The following SPIRE1 variants were observed in gnomAD, a reference collection of about 807,000 sequenced individuals.
The protein encoded by SPIRE1 is spire type actin nucleation factor 1, also known as protein spire homolog 1.
A neutral mutation model predicts 94.1 loss-of-function variants in SPIRE1; 40 were observed. The ratio of observed to expected loss-of-function variants is 0.43; its 90% confidence interval spans 0.33 to 0.55. The LOEUF (loss-of-function observed/expected upper bound fraction) is 0.55, where lower values mean the gene tolerates loss of function less well. Among genes scored for constraint, SPIRE1 ranks in the 20% least tolerant of loss-of-function variants. SPIRE1 has a pLI of 0.06. For missense variants in SPIRE1, 838 were observed against 975.2 expected (o/e 0.86, Z 1.87); for synonymous variants, 376 against 371.7 (o/e 1.01, Z -0.13).
chr18:12,510,213 G>T (rs958701409), intron 5 of SPIRE1, among the ~76,000 whole-genome samples: 1 of 152,010 alleles, frequency 6.6e-6, no homozygotes, highest in Non-Finnish European at 1.5e-5. Context: ...GGGGAGGAGG[G>T]AGGCAGGAGG....
intron 1 of SPIRE1, among the ~76,000 whole-genome samples, chr18:12,654,584 T>G (rs997211445): frequency 2.0e-5 from 3 of 149,810 alleles, no homozygotes; most frequent in African/African-American, 7.4e-5. Flanking sequence ...GAGGCGGAGC[T>G]TGCAAGCTTG....
At chr18:12,494,426 T>TACCATCC (rs2143875146) in intron 7 of SPIRE1, among the ~76,000 whole-genome samples, 1 of 152,122 alleles carries the variant, frequency 6.6e-6, no homozygotes, top group Non-Finnish European at 1.5e-5. Flanking sequence ...TACCATGACC[T>TACCATCC]ACCATCCTAC....
intron 2 of SPIRE1, among the ~76,000 whole-genome samples, chr18:12,599,335 A>G (rs2036767319): frequency 6.6e-6 from 1 of 152,168 alleles, no homozygotes; most frequent in South Asian, 2.1e-4. Flanking sequence ...AGCTCACACA[A>G]CCAAGCTCAT....
intron 2 of SPIRE1, among the ~76,000 whole-genome samples, chr18:12,593,996 A>G (rs2036604979): frequency 6.6e-6 from 1 of 152,200 alleles, no homozygotes; most frequent in South Asian, 2.1e-4. Context: ...ATTAAAATAA[A>G]GCAGACTGAG....
rs185000082 is a variant in SPIRE1 at position 12,487,568 on chromosome 18, T to C, written c.1190-1568A>G. ...TGCCACCAGGCCCAGCTAATTTTTGTATTTTTAGAGAGACAGGGTTTCACC... is the reference window on the plus strand; with the variant it reads ...TGCCACCAGGCCCAGCTAATTTTTGCATTTTTAGAGAGACAGGGTTTCACC... On this transcript the variant is annotated intron_variant, in intron 8 of 16. Coordinates refer to ENST00000409402, the MANE Select transcript of SPIRE1 (RefSeq NM_001128626.2). Among the ~76,000 whole-genome samples, 159 of 152,198 alleles carry C rather than the reference T, an allele frequency of 1.0e-3. 2 individuals carry two copies. The East Asian group carries it at 0.03, about 29-fold the overall frequency.
At chr18:12,549,420 GTTTGTT>G (rs2035271719) in intron 2 of SPIRE1, among the ~76,000 whole-genome samples, 1 of 71,006 alleles carries the variant, frequency 1.4e-5, no homozygotes, top group East Asian at 4.3e-4. Flanking sequence ...TTTGCTTTTT[GTTTGTT>G]TTTGTTATTG....
At chr18:12,453,229 G>A (rs2031332902) in intron 13 of SPIRE1, 91 bp from the exon 14 acceptor site, 1 of 804,758 alleles carries the variant, frequency 1.2e-6, no homozygotes, top group African/African-American at 1.7e-5. Flanking sequence ...TCTATATATA[G>A]GGGAAGCTGA....
rs183286380 is a variant in SPIRE1 at position 12,541,264 on chromosome 18, C to T, written c.603+5410G>A. Among the ~76,000 whole-genome samples, 184 of 152,198 alleles carry T rather than the reference C, an allele frequency of 1.2e-3. 1 individual carries two copies. Among genetic ancestry groups the T allele is most frequent in the African/African-American group, 3.8e-3 (159 of 41,512 alleles). ...AAGACTTGCTTTAAGGCCTGGAATA[C>T]GGAGAAATTTTTAATTGTTCCATGT... On this transcript the variant is annotated intron_variant, in intron 3 of 16. Coordinates refer to ENST00000409402, the MANE Select transcript of SPIRE1 (RefSeq NM_001128626.2).
chr18:12,509,814 G>A (rs1442979668), intron 5 of SPIRE1, among the ~76,000 whole-genome samples: 8 of 152,176 alleles, frequency 5.3e-5, no homozygotes, highest in Non-Finnish European at 1.0e-4. Context: ...TGGGTGCGGA[G>A]GCTCATACCT....
chr18:12,589,749 C>T (rs2036479734), intron 2 of SPIRE1, among the ~76,000 whole-genome samples: 1 of 152,170 alleles, frequency 6.6e-6, no homozygotes, highest in Non-Finnish European at 1.5e-5. Context: ...CATTCAATGA[C>T]AGCCACTGCC....
chr18:12,476,541 CAAA>C lies in SPIRE1; in HGVS notation c.1404+3155_1404+3157del, dbSNP rs558968043. On this transcript the variant is annotated intron_variant, in intron 10 of 16. Coordinates refer to ENST00000409402, the MANE Select transcript of SPIRE1 (RefSeq NM_001128626.2). ...GGCTGGCAGAGCGAGACTCTGTCTC[CAAA>C]AAAAAAAAAAAAAAAAAAAAATATA... Among the ~76,000 whole-genome samples the C allele has an allele frequency of 2.2e-3, 103 of 46,804 alleles. 1 individual carries two copies. Among genetic ancestry groups the C allele is most frequent in the Non-Finnish European group, 3.4e-3 (61 of 17,794 alleles). The allele number at this position is 46,804 out of a possible 152,430, so 30.7% of individuals were successfully genotyped here. A position where few individuals can be genotyped will look rare whatever the true frequency, so the allele number is the denominator to read the frequency against.
chr18:12,576,590 A>AG (rs1431520981), intron 2 of SPIRE1, among the ~76,000 whole-genome samples: 1 of 148,236 alleles, frequency 6.7e-6, no homozygotes, highest in Non-Finnish European at 1.5e-5. Flanking sequence ...TCAAAAAAAA[A>AG]AAAAAAAAAA....
intron 10 of SPIRE1, among the ~76,000 whole-genome samples, chr18:12,475,306 T>C (rs1325266085): frequency 1.3e-5 from 2 of 152,260 alleles, no homozygotes; most frequent in Non-Finnish European, 2.9e-5. Context: ...CTGCCGTCTC[T>C]GGACTTCTGT....
chr18:12,458,035 G>A (rs576122629), intron 12 of SPIRE1, among the ~76,000 whole-genome samples: 4 of 151,048 alleles, frequency 2.6e-5, no homozygotes, highest in East Asian at 2.0e-4. Context: ...TAGTAGAGAC[G>A]GGGTTTCACT....
In SPIRE1 at chr18:12,600,758, T is replaced by G. The variant is rs954426267; in HGVS notation, c.372+34304A>C. On this transcript the variant is annotated intron_variant, in intron 2 of 16. Transcript: ENST00000409402. ...TTTTTTCTGAGGTAGGGTCTCGCTC[T>G]GTCACTCAGGGTGGAGTGCAGTGGC... Among the ~76,000 whole-genome samples the G allele has an allele frequency of 1.1e-4, 16 of 152,266 alleles. No homozygotes were observed. The South Asian group carries it at 2.9e-3, about 28-fold the overall frequency.
upstream of SPIRE1, chr18:12,658,837 C>T (rs1162515023): frequency 6.2e-6 from 2 of 321,732 alleles, no homozygotes; most frequent in East Asian, 1.8e-4. Flanking sequence ...AAAAGCTAAA[C>T]CAGCGCCTGG....
intron 2 of SPIRE1, among the ~76,000 whole-genome samples, chr18:12,615,345 A>AAATAT: frequency 1.2e-4 from 2 of 17,240 alleles, no homozygotes; most frequent in African/African-American, 2.4e-4. Flanking sequence ...AAAAAAAAAA[A>AAATAT]ATATATATAT....
chr18:12,501,385 TTTTG>T (rs367678448), intron 6 of SPIRE1, among the ~76,000 whole-genome samples: 9 of 152,064 alleles, frequency 5.9e-5, no homozygotes, highest in South Asian at 2.1e-4. Flanking sequence ...GTCAGACTTT[TTTTG>T]TTTGTTTGTT....
upstream of SPIRE1, among the ~76,000 whole-genome samples, chr18:12,659,740 G>C (rs1230689275): frequency 6.6e-6 from 1 of 152,110 alleles, no homozygotes; most frequent in Non-Finnish European, 1.5e-5. Context: ...TTCAGTACGA[G>C]AGAGACAAAA....
Sources: gnomAD v4.1 joint callset for allele counts (sites outside exome capture counted in the v4.1 genomes callset) on GRCh38, gnomAD v4.1.1 for gene constraint, MANE v1.5 for transcripts, NCBI Gene and HGNC (gene_info 2026-07-23, HGNC 2026-07-21) for gene names.